KAT2B: variants seen among roughly 807,000 people sequenced by gnomAD.
KAT2B encodes the protein lysine acetyltransferase 2B.
In KAT2B, 36 loss-of-function variants were observed where a neutral mutation model predicts 105.9. The ratio of observed to expected loss-of-function variants is 0.34; its 90% CI spans 0.26 to 0.45. KAT2B has a LOEUF of 0.45. Among genes scored for constraint, KAT2B ranks in the 20% least tolerant of loss-of-function variants. The pLI, the probability that KAT2B is intolerant of heterozygous loss-of-function variation, is 1.00. For synonymous variants in KAT2B, 397 were observed against 377.9 expected (o/e 1.05, Z -0.59); for missense variants, 820 against 1,021.6 (o/e 0.80, Z 2.69).
At chr3:20,062,160 TATATAATATATATA>T (rs1484985197) in intron 1 of KAT2B, among the ~76,000 whole-genome samples, 1 of 78,178 alleles carries the variant, frequency 1.3e-5, no homozygotes, top group Non-Finnish European at 2.2e-5. Context: ...AAATATATAA[TATATAATATATATA>T]ATATATAATA....
In KAT2B at chr3:20,126,122, T is replaced by C. The variant is rs760923919; in HGVS notation, c.1622+9T>C. The C allele has an allele frequency of 6.4e-7, 1 of 1,573,938 alleles. No individual in the cohort carries two copies. The highest frequency in any genetic ancestry group is 8.6e-7 in the Non-Finnish European group (1 of 1,156,958). ...CGGCTCGTCTTTGACCCGTAAGTGG[T>C]ACTTTCTGTTCCTTCTTCCTTATTT... On this transcript the variant is annotated intron_variant, in intron 10 of 17. Coordinates refer to ENST00000263754, the MANE Select transcript of KAT2B (RefSeq NM_003884.5).
At chr3:20,065,445 A>G (rs2125176284) in intron 1 of KAT2B, among the ~76,000 whole-genome samples, 1 of 152,300 alleles carries the variant, frequency 6.6e-6, no homozygotes, top group Non-Finnish European at 1.5e-5. Context: ...CTTATCTCGA[A>G]GAACAGTGGC....
intron 13 of KAT2B, among the ~76,000 whole-genome samples, chr3:20,141,543 G>A (rs187759742): frequency 2.0e-5 from 3 of 152,178 alleles, no homozygotes; most frequent in East Asian, 1.9e-4. Flanking sequence ...TCTGTTATTC[G>A]TTTAGTGCAC....
intron 1 of KAT2B, among the ~76,000 whole-genome samples, chr3:20,046,334 C>A (rs749850876): frequency 3.9e-5 from 6 of 152,144 alleles, no homozygotes; most frequent in Non-Finnish European, 8.8e-5. Context: ...GTAATCCCAG[C>A]AGTTTGGGTG....
chr3:20,040,835 G>A (rs1256160942), intron 1 of KAT2B, 55 bp downstream of exon 1: 1 of 1,513,778 alleles, frequency 6.6e-7, no homozygotes, highest in East Asian at 2.6e-5. Flanking sequence ...CAGCCCGCGG[G>A]ACCCCCCTCC....
intron 5 of KAT2B, among the ~76,000 whole-genome samples, chr3:20,105,667 T>A (rs1370485064): frequency 1.3e-5 from 2 of 151,812 alleles, no homozygotes; most frequent in African/African-American, 4.8e-5. Flanking sequence ...TGTGGTGGCA[T>A]GAGCCTGTGG....
At chr3:20,063,534 CTTTTTTTTTTTTTTTTTTTTTT>C (rs36058009) in intron 1 of KAT2B, among the ~76,000 whole-genome samples, 2 of 88,822 alleles carry the variant, frequency 2.3e-5, no homozygotes, top group African/African-American at 8.4e-5. Context: ...GAGTAGGCCT[CTTTTTTTTTTTTTTTTTTTTTT>C]TTTTTTTTGA....
At chr3:20,143,570 G>C (rs1340159229) in intron 13 of KAT2B, among the ~76,000 whole-genome samples, 1 of 152,060 alleles carries the variant, frequency 6.6e-6, no homozygotes, top group African/African-American at 2.4e-5. Flanking sequence ...CTTACAAAAA[G>C]ATACATGTGC....
chr3:20,073,852 G>A (rs1698371024), intron 2 of KAT2B, among the ~76,000 whole-genome samples: 1 of 152,220 alleles, frequency 6.6e-6, no homozygotes, highest in South Asian at 2.1e-4. Flanking sequence ...TAGGCTTGAA[G>A]TGTATTTGTT....
intron 12 of KAT2B, among the ~76,000 whole-genome samples, chr3:20,138,807 A>G (rs1699647914): frequency 6.6e-6 from 1 of 152,212 alleles, no homozygotes; most frequent in Non-Finnish European, 1.5e-5. Context: ...TATTTGTTTC[A>G]ACATTGCTTA....
chr3:20,147,711 T>A (rs1158756449), intron 14 of KAT2B, among the ~76,000 whole-genome samples: 1 of 152,200 alleles, frequency 6.6e-6, no homozygotes, highest in Non-Finnish European at 1.5e-5. Flanking sequence ...TATTTATTTT[T>A]TATGCTCTCC....
rs114770778 is a variant in KAT2B, at chr3:20,113,520, A to G, written c.1044-1362A>G. Among the ~76,000 whole-genome samples, 1,381 of 152,266 alleles carry G rather than the reference A, an allele frequency of 9.1e-3. 17 individuals are homozygous for G. The highest frequency in any genetic ancestry group is 0.025 in the African/African-American group (1,039 of 41,522). On this transcript the variant is annotated intron_variant, in intron 6 of 17. Coordinates refer to ENST00000263754, the MANE Select transcript of KAT2B (RefSeq NM_003884.5). Reference sequence around the variant, plus strand: ...GCTTATGCTAGGAGCTAAAACATCAATGCTGCCTTCTTTTCTTCTCTATTA... The same window carrying G: ...GCTTATGCTAGGAGCTAAAACATCAGTGCTGCCTTCTTTTCTTCTCTATTA...
intron 14 of KAT2B, among the ~76,000 whole-genome samples, chr3:20,147,724 T>C (rs963239951): frequency 6.6e-6 from 1 of 152,220 alleles, no homozygotes; most frequent in African/African-American, 2.4e-5. Flanking sequence ...TGCTCTCCAC[T>C]GAAAGGTTGG....
intron 1 of KAT2B, among the ~76,000 whole-genome samples, chr3:20,065,300 C>T (rs1277586593): frequency 6.6e-6 from 1 of 152,178 alleles, no homozygotes; most frequent in African/African-American, 2.4e-5. Flanking sequence ...CTTGGCAGTG[C>T]ACTCCCTAAA....
rs202106321 is a variant in KAT2B, at chr3:20,118,726, CAAAAA to C, written c.1151-855_1151-851del. On this transcript the variant is annotated intron_variant, in intron 7 of 17. Coordinates refer to ENST00000263754, the MANE Select transcript of KAT2B (RefSeq NM_003884.5). ...GGGCGACAAAAGCGAAACTTTGTCT[CAAAAA>C]AAAAAAAAAAAAAAAAGAGAGAGAG... Among the ~76,000 whole-genome samples the C allele has an allele frequency of 1.2e-4, 11 of 90,150 alleles. 1 individual carries two copies. In the South Asian group the frequency reaches 2.5e-3, roughly 20 times the overall value. 59.1% of individuals were successfully genotyped at this position (90,150 alleles called of 152,430 possible). A position where few individuals can be genotyped will look rare whatever the true frequency, so the allele number is the denominator to read the frequency against.
At chr3:20,048,264 A>C (rs1033899866) in intron 1 of KAT2B, among the ~76,000 whole-genome samples, 2 of 152,232 alleles carry the variant, frequency 1.3e-5, no homozygotes, top group African/African-American at 4.8e-5. Flanking sequence ...TTCAGGGAAG[A>C]TGGAAATTCA....
intron 12 of KAT2B, among the ~76,000 whole-genome samples, chr3:20,138,660 A>G (rs1699645656): frequency 6.6e-6 from 1 of 152,150 alleles, no homozygotes; most frequent in African/African-American, 2.4e-5. Context: ...TTATTTTTCC[A>G]TGTTTATCAA....
At chr3:20,147,893 A>G (rs1699805224) in intron 14 of KAT2B, 70 bp from the exon 15 acceptor site, 4 of 1,415,044 alleles carry the variant, frequency 2.8e-6, no homozygotes, top group South Asian at 2.5e-5. Context: ...TGTTTTTGAT[A>G]AGTATTAACT....
At chr3:20,125,251 G>C (rs1699379659) in intron 9 of KAT2B, among the ~76,000 whole-genome samples, 1 of 149,264 alleles carries the variant, frequency 6.7e-6, no homozygotes, top group African/African-American at 2.5e-5. Flanking sequence ...CTTGCAGTGA[G>C]CTGAGATAGC....
Sources: allele counts gnomAD v4.1 joint callset (sites outside exome capture counted in the v4.1 genomes callset), GRCh38; gene constraint gnomAD v4.1.1; transcripts MANE v1.5; gene names NCBI Gene and HGNC (gene_info 2026-07-23, HGNC 2026-07-21).